STK24: variants seen among roughly 807,000 people sequenced by gnomAD.
STK24 encodes serine/threonine kinase 24, also known as serine/threonine-protein kinase 24.
In STK24, 21 loss-of-function variants were observed where a neutral mutation model predicts 55.6. The observed-to-expected ratio is 0.38, with a 90% CI of 0.27 to 0.54. STK24 has a LOEUF of 0.54. Ranked by LOEUF, STK24 falls within the 20% of genes least tolerant of loss-of-function variation. The pLI is 0.79. For synonymous variants in STK24, 200 were observed against 215.2 expected (o/e 0.93, Z 0.62); for missense variants, 383 against 538.4 (o/e 0.71, Z 2.86).
chr13:98,494,575 A>C (rs1346919752), intron 2 of STK24, among the ~76,000 whole-genome samples: 3 of 152,282 alleles, frequency 2.0e-5, no homozygotes, highest in South Asian at 4.1e-4. Context: ...AACAGCTTCC[A>C]AAGGAAGGGA....
chr13:98,525,761 G>A (rs1362001952), intron 1 of STK24, among the ~76,000 whole-genome samples: 1 of 152,186 alleles, frequency 6.6e-6, no homozygotes. Context: ...AGGGTTCAGG[G>A]ATAAAAAGAC....
At chr13:98,461,461 G>A (rs1235816196) in intron 8 of STK24, among the ~76,000 whole-genome samples, 1 of 152,178 alleles carries the variant, frequency 6.6e-6, no homozygotes, top group Admixed American at 6.5e-5. Flanking sequence ...GTCCCTCAGA[G>A]CTATGAAGTC....
At chr13:98,470,526 GAT>G (rs756675566) in intron 5 of STK24, among the ~76,000 whole-genome samples, 28 of 152,242 alleles carry the variant, frequency 1.8e-4, no homozygotes, top group Non-Finnish European at 3.4e-4. Context: ...ATTTGGGAAA[GAT>G]ATGAAATTAG....
intron 1 of STK24, among the ~76,000 whole-genome samples, chr13:98,558,943 T>C (rs995315437): frequency 4.5e-5 from 6 of 133,110 alleles, no homozygotes; most frequent in Admixed American, 3.6e-4. Context: ...GGCAGGCGGA[T>C]CACCTGAGGT....
rs2139212000 is a variant in STK24, at chr13:98,450,804, AG to A, written c.*2368del. The A allele has an allele frequency of 6.6e-6, 1 of 152,386 alleles. No homozygotes were observed. Among genetic ancestry groups the A allele is most frequent in the Non-Finnish European group, 1.5e-5 (1 of 68,048 alleles). The allele number at this position is 152,386 out of a possible 1,614,324, so 9.4% of individuals were successfully genotyped here. A position where few individuals can be genotyped will look rare whatever the true frequency, so the allele number is the denominator to read the frequency against. ...GGCTCTCTCTTAATGCAGGCCTGGA[AG>A]TGGCGACACAAAAGCCAGCTTCCTT... On this transcript the variant is annotated 3_prime_UTR_variant, in exon 11 of 11. Coordinates refer to ENST00000539966, the MANE Select transcript of STK24 (RefSeq NM_001032296.4).
At chr13:98,511,572 T>C (rs1308603706) in intron 2 of STK24, among the ~76,000 whole-genome samples, 2 of 152,222 alleles carry the variant, frequency 1.3e-5, no homozygotes, top group Non-Finnish European at 2.9e-5. Context: ...TAGGTAAACC[T>C]GGTTATACAC....
chr13:98,482,418 T>C, intron 2 of STK24, 97 bp from the exon 3 acceptor site: 1 of 666,096 alleles, frequency 1.5e-6, no homozygotes, highest in East Asian at 2.9e-5. Context: ...ATATTGGAAC[T>C]AGAAAGTTTT....
chr13:98,504,443 C>T (rs1000563811), intron 2 of STK24, among the ~76,000 whole-genome samples: 1 of 152,228 alleles, frequency 6.6e-6, no homozygotes, highest in Admixed American at 6.5e-5. Context: ...AAAGTCAGAG[C>T]TTAGTCTCTC....
At chr13:98,521,664 G>T in intron 1 of STK24, 1 of 673,828 alleles carries the variant, frequency 1.5e-6, no homozygotes, top group Non-Finnish European at 2.8e-6. Flanking sequence ...CTGCTAGGAT[G>T]AGCAGCTTTC....
chr13:98,463,677 A>G lies in STK24; in HGVS notation c.929+14T>C, dbSNP rs1466781276. 2.5e-6 allele frequency: 4 copies of G among 1,611,912 alleles called. No individual in the cohort carries two copies. The highest frequency in any genetic ancestry group is 2.5e-6 in the Non-Finnish European group (3 of 1,178,702). ...TCCCACACACATGCTTGGGTCACTC[A>G]GGGGCCGACTTACGCGTCGGAATCC... is the stretch of plus-strand genomic sequence containing the variant. On this transcript the variant is annotated intron_variant, in intron 7 of 10. Transcript: ENST00000539966.
chr13:98,469,105 G>A (rs548032955), intron 5 of STK24, among the ~76,000 whole-genome samples: 5 of 152,314 alleles, frequency 3.3e-5, no homozygotes, highest in East Asian at 1.9e-4. Context: ...ATAAGCAGGC[G>A]GCCGAACGCC....
Position 98,445,933 on chromosome 13 carries a change from C to A in STK24, c.*7240G>T, listed in dbSNP as rs1594550848. 1 of 583,378 alleles carries A rather than the reference C, an allele frequency of 1.7e-6. No individual in the cohort carries two copies. Among genetic ancestry groups the A allele is most frequent in the East Asian group, 2.9e-5 (1 of 34,480 alleles). The allele number at this position is 583,378 out of a possible 1,614,324, so 36.1% of individuals were successfully genotyped here. A position where few individuals can be genotyped will look rare whatever the true frequency, so the allele number is the denominator to read the frequency against. The stretch of plus-strand genomic sequence containing the variant: ...AGGGGAAGTGATGAGATCAGGGTCC[C>A]AGGACCTGCCAAGTCTCCCCACACA... On this transcript the variant is annotated 3_prime_UTR_variant, in exon 11 of 11. Coordinates refer to ENST00000539966, the MANE Select transcript of STK24 (RefSeq NM_001032296.4).
intron 1 of STK24, among the ~76,000 whole-genome samples, chr13:98,565,347 G>A (rs1897536794): frequency 6.6e-6 from 1 of 152,004 alleles, no homozygotes; most frequent in Admixed American, 6.6e-5. Context: ...CTATTAGAGG[G>A]CTGGGCGCGG....
intron 1 of STK24, among the ~76,000 whole-genome samples, chr13:98,539,725 C>A (rs966848722): frequency 1.3e-5 from 2 of 152,242 alleles, no homozygotes; most frequent in African/African-American, 4.8e-5. Context: ...ACATTACAAA[C>A]GGCTGGAGGG....
intron 2 of STK24, among the ~76,000 whole-genome samples, chr13:98,507,986 C>A (rs531979038): frequency 6.6e-6 from 1 of 151,508 alleles, no homozygotes; most frequent in African/African-American, 2.4e-5. Flanking sequence ...AGGGAAAGTA[C>A]CAAAGGAGAA....
chr13:98,488,802 G>A (rs1894906288), intron 2 of STK24, among the ~76,000 whole-genome samples: 2 of 151,832 alleles, frequency 1.3e-5, no homozygotes, highest in African/African-American at 4.8e-5. Context: ...AACCCACCAA[G>A]GTTAAAAAAA....
chr13:98,533,727 A>C (rs1213629059), intron 1 of STK24, among the ~76,000 whole-genome samples: 3 of 152,108 alleles, frequency 2.0e-5, no homozygotes, highest in African/African-American at 7.2e-5. Context: ...TATACCACCT[A>C]GATCAGTTTA....
At chr13:98,498,671 T>C (rs1482094495) in intron 2 of STK24, among the ~76,000 whole-genome samples, 4 of 152,210 alleles carry the variant, frequency 2.6e-5, no homozygotes, top group Non-Finnish European at 5.9e-5. Context: ...GCTATCAGGT[T>C]AGATGGACAT....
intron 10 of STK24, chr13:98,453,524 T>C (rs1893300503): frequency 3.1e-6 from 1 of 324,564 alleles, no homozygotes; most frequent in South Asian, 4.2e-5. Context: ...TGAACATTGA[T>C]CCATACATGA....
Sources: gnomAD v4.1 joint callset for allele counts (sites outside exome capture counted in the v4.1 genomes callset) on GRCh38, gnomAD v4.1.1 for gene constraint, MANE v1.5 for transcripts, NCBI Gene and HGNC (gene_info 2026-07-23, HGNC 2026-07-21) for gene names.